Variants in CCDC66 observed in about 807,000 individuals in gnomAD.
CCDC66 encodes the protein coiled-coil domain containing 66.
Under a neutral mutation model 128.3 loss-of-function variants are expected in CCDC66, and 133 were observed. The observed-to-expected ratio is 1.04, with a 90% CI of 0.90 to 1.20. CCDC66 has a LOEUF of 1.20. Ranked by LOEUF, CCDC66 falls within the 50% of genes most tolerant of loss-of-function variation. The probability of loss-of-function intolerance (pLI) is 0.00; values close to 1 mark genes in which losing one functional copy is unlikely to be tolerated. For missense variants in CCDC66, 1,126 were observed against 1,075.5 expected (o/e 1.05, Z -0.66); for synonymous variants, 387 against 357.0 (o/e 1.08, Z -0.95).
At chr3:56,575,889 T>A (rs77519517) in intron 7 of CCDC66, among the ~76,000 whole-genome samples, 1 of 151,840 alleles carries the variant, frequency 6.6e-6, no homozygotes, top group African/African-American at 2.4e-5. Context: ...TCACTGTGTA[T>A]GTGAGGATTT....
intron 10 of CCDC66, among the ~76,000 whole-genome samples, chr3:56,603,261 G>T (rs983272209): frequency 6.6e-6 from 1 of 151,722 alleles, no homozygotes; most frequent in African/African-American, 2.4e-5. Flanking sequence ...GATTTTTTTT[G>T]AAGGGTTTCG....
chr3:56,584,047 G>A (rs1399536327), intron 7 of CCDC66, among the ~76,000 whole-genome samples: 3 of 124,806 alleles, frequency 2.4e-5, no homozygotes, highest in African/African-American at 9.3e-5. Context: ...CGGACGGGGC[G>A]GCTGGCCGGG....
chr3:56,610,652 A>G (rs282531), intron 10 of CCDC66, among the ~76,000 whole-genome samples: 126,195 of 152,062 alleles, frequency 0.83, 52,938 homozygotes, highest in Non-Finnish European at 0.91. Context: ...GCCTTGTTTT[A>G]TTATATTACC....
At chr3:56,575,425 G>A (rs1402683734) in intron 7 of CCDC66, among the ~76,000 whole-genome samples, 1 of 151,736 alleles carries the variant, frequency 6.6e-6, no homozygotes, top group African/African-American at 2.4e-5. Flanking sequence ...GCCCATTTCA[G>A]TCAGGTTTTT....
At chr3:56,594,092 A>C in intron 10 of CCDC66, 64 bp downstream of exon 10, 1 of 1,406,990 alleles carries the variant, frequency 7.1e-7, no homozygotes, top group Non-Finnish European at 1.0e-6. Context: ...ACATATACCT[A>C]AGTAAATGGA....
At chr3:56,574,830 A>G (rs1297362319) in intron 7 of CCDC66, among the ~76,000 whole-genome samples, 1 of 151,802 alleles carries the variant, frequency 6.6e-6, no homozygotes, top group African/African-American at 2.4e-5. Flanking sequence ...ACTTAGCATA[A>G]TGTCCTCAAG....
At chr3:56,575,268 T>A (rs1380540055) in intron 7 of CCDC66, among the ~76,000 whole-genome samples, 1 of 151,850 alleles carries the variant, frequency 6.6e-6, no homozygotes, top group African/African-American at 2.4e-5. Context: ...ACTTTCTGAT[T>A]TATTGACAGT....
intron 7 of CCDC66, among the ~76,000 whole-genome samples, chr3:56,589,264 A>G (rs1401885429): frequency 6.6e-6 from 1 of 152,192 alleles, no homozygotes; most frequent in African/African-American, 2.4e-5. Context: ...GTAAATCAGA[A>G]TGGTACTATC....
At chr3:56,619,052 T>G (rs992845859) in intron 15 of CCDC66, 4 of 421,514 alleles carry the variant, frequency 9.5e-6, no homozygotes, top group African/African-American at 8.3e-5. Context: ...ACCCCGTCTC[T>G]ACTAAAAATA....
At chr3:56,579,382 T>G (rs2067939088) in intron 7 of CCDC66, among the ~76,000 whole-genome samples, 1 of 151,864 alleles carries the variant, frequency 6.6e-6, no homozygotes, top group South Asian at 2.1e-4. Context: ...TGATTTTTTT[T>G]GAAGGGTTTT....
chr3:56,621,190 A>AAAC (rs1310031547), intron 17 of CCDC66: 1 of 165,402 alleles, frequency 6.0e-6, no homozygotes, highest in African/African-American at 2.4e-5. Flanking sequence ...CAACAAAAAA[A>AAAC]AAACACTGTA....
At chr3:56,604,101 A>G (rs1277751187) in intron 10 of CCDC66, among the ~76,000 whole-genome samples, 3 of 151,308 alleles carry the variant, frequency 2.0e-5, no homozygotes, top group Admixed American at 2.0e-4. Flanking sequence ...AGAGACTAGG[A>G]TTGCTTTTCT....
Position 56,613,630 on chromosome 3 carries a change from A to G in CCDC66, c.1446A>G (p.Lys482=). 1.2e-6 allele frequency: 2 copies of G among 1,614,096 alleles called. No individual in the cohort carries two copies. Among genetic ancestry groups the G allele is most frequent in the South Asian group, 1.1e-5 (1 of 91,082 alleles). ...AGGTAGAAGAGAAGCGCAGGAAGAA[A>G]CAACTGGAGGAAGAGCAAAGAAAGA... The part of the protein sequence containing the change: ...TAQVEEKRRK[K]QLEEEQRKKE... The change falls in exon 11 of 18, where the codon AAA becomes AAG. Residue 482 remains lysine, a synonymous_variant. Transcript: ENST00000394672.
intron 3 of CCDC66, among the ~76,000 whole-genome samples, chr3:56,562,512 A>G (rs2065234608): frequency 6.6e-6 from 1 of 152,238 alleles, no homozygotes; most frequent in Non-Finnish European, 1.5e-5. Flanking sequence ...CACTTAAAAT[A>G]GTCTCAAAGA....
At chr3:56,621,273 C>T (rs1443110314) in intron 17 of CCDC66, 3 of 274,750 alleles carry the variant, frequency 1.1e-5, no homozygotes, top group Non-Finnish European at 2.0e-5. Context: ...ACTTCATTTA[C>T]CCCCATAGTT....
chr3:56,611,899 C>G (rs914241420), intron 10 of CCDC66, among the ~76,000 whole-genome samples: 1 of 152,218 alleles, frequency 6.6e-6, no homozygotes, highest in African/African-American at 2.4e-5. Context: ...CTCCCTTTCC[C>G]ACTTCCACAG....
At position 56,563,568 on chromosome 3, in the gene CCDC66, A is replaced by G. The variant is rs557846463; in HGVS notation, c.103-116A>G. Reference sequence around the variant, plus strand: ...AGAGTTAGTTTCTTATGGTTATATTACCTAAATAGCAAAATGGAAAAAAGT... The same window carrying G: ...AGAGTTAGTTTCTTATGGTTATATTGCCTAAATAGCAAAATGGAAAAAAGT... On this transcript the variant is annotated intron_variant, in intron 3 of 17. Coordinates refer to ENST00000394672, the MANE Select transcript of CCDC66 (RefSeq NM_001141947.3). The G allele has an allele frequency of 4.1e-6, 3 of 727,008 alleles. No homozygotes were observed. The East Asian group carries it at 8.1e-5, about 20-fold the overall frequency. The allele number at this position is 727,008 out of a possible 1,614,324, so 45.0% of individuals were successfully genotyped here. A position where few individuals can be genotyped will look rare whatever the true frequency, so the allele number is the denominator to read the frequency against.
chr3:56,571,291 G>T lies in CCDC66; in HGVS notation c.925G>T (p.Asp309Tyr). ...KIIWEKHQIL[D>Y]QSRETVLLEH... ...AATATGGGAAAAACATCAAATTCTT[G>T]ACCAATCTAGGGTAAGACATCTTAA... is the stretch of plus-strand genomic sequence containing the variant. Residue 309 changes from aspartate to tyrosine, a missense_variant, in exon 7 of 18, where the codon GAC (aspartate) becomes TAC (tyrosine). By Grantham distance (160) the Asp-to-Tyr change is radical. Coordinates refer to ENST00000394672, the MANE Select transcript of CCDC66 (RefSeq NM_001141947.3). 6.6e-7 allele frequency: 1 copy of T among 1,521,886 alleles called. No individual in the cohort carries two copies. The highest frequency in any genetic ancestry group is 1.2e-5 in the South Asian group (1 of 84,026). The allele number at this position is 1,521,886 out of a possible 1,614,324, so 94.3% of individuals were successfully genotyped here. A position where few individuals can be genotyped will look rare whatever the true frequency, so the allele number is the denominator to read the frequency against.
At chr3:56,587,700 G>A (rs114469372) in intron 7 of CCDC66, among the ~76,000 whole-genome samples, 3,982 of 152,048 alleles carry the variant, frequency 0.026, 95 homozygotes, top group African/African-American at 0.062. Context: ...GTGAAACCCC[G>A]TTCCCTAAAA....
Sources: allele counts gnomAD v4.1 joint callset (sites outside exome capture counted in the v4.1 genomes callset), GRCh38; gene constraint gnomAD v4.1.1; transcripts MANE v1.5; gene names NCBI Gene and HGNC (gene_info 2026-07-23, HGNC 2026-07-21).